CFAP92: variants seen among roughly 807,000 people sequenced by gnomAD.
CFAP92 encodes uncharacterized protein CFAP92.
CFAP92 carries 86 observed loss-of-function variants against 106.3 expected under a neutral mutation model. The ratio of observed to expected loss-of-function variants is 0.81; its 90% CI spans 0.68 to 0.97. CFAP92 has a LOEUF of 0.97. CFAP92 is among the 50% of genes least tolerant of loss of function. CFAP92 has a pLI of 0.00. For synonymous variants in CFAP92, 477 were observed against 506.4 expected (o/e 0.94, Z 0.78); for missense variants, 1,204 against 1,283.8 (o/e 0.94, Z 0.95).
chr3:128,976,952 C>G (rs1210280429), intron 6 of CFAP92, 27 bp downstream of exon 6: 1 of 1,593,728 alleles, frequency 6.3e-7, no homozygotes, highest in East Asian at 2.2e-5. Context: ...TCCACTCCCA[C>G]CACCCAAAAT....
rs1246171554 is a variant in CFAP92 at position 128,915,485 on chromosome 3, TCTC to T, written c.2992_2994del (p.Glu998del). On this transcript the variant is annotated inframe_deletion, in exon 14 of 16. Transcript: ENST00000645291. Reference sequence around the variant, plus strand: ...TGGCGGGATTTCTTCTGGGCTTTCTTCTCCTCTTCCTTCAAGTCCAGGGGCTCC... The same window carrying T: ...TGGCGGGATTTCTTCTGGGCTTTCTTCTCTTCCTTCAAGTCCAGGGGCTCC... The T allele has an allele frequency of 1.3e-5, 20 of 1,536,122 alleles. No individual in the cohort carries two copies. The highest frequency in any genetic ancestry group is 1.7e-4 in the Middle Eastern group (1 of 5,986).
intron 10 of CFAP92, among the ~76,000 whole-genome samples, chr3:128,938,481 C>T (rs902274130): frequency 1.5e-5 from 2 of 135,372 alleles, no homozygotes; most frequent in Non-Finnish European, 3.1e-5. Context: ...GTGTGTGTGC[C>T]TTCACCATTC....
At chr3:128,935,585 G>A (rs1448314628) in intron 10 of CFAP92, among the ~76,000 whole-genome samples, 2 of 152,126 alleles carry the variant, frequency 1.3e-5, no homozygotes, top group African/African-American at 4.8e-5. Context: ...GGTGGCACAT[G>A]TCTGTAATCC....
upstream of CFAP92, chr3:128,994,092 C>G (rs946941659): frequency 7.1e-6 from 7 of 985,014 alleles, no homozygotes; most frequent in East Asian, 1.1e-4. Context: ...GAGCGTCCGC[C>G]GGTGCAGGGA....
chr3:128,923,141 TTG>T (rs2107688755), intron 12 of CFAP92, among the ~76,000 whole-genome samples: 1 of 148,140 alleles, frequency 6.8e-6, no homozygotes, highest in African/African-American at 2.6e-5. Flanking sequence ...GAGGGTATGC[TTG>T]TGTTTTTGCA....
chr3:129,007,758 G>T, the CFAP92 span, among the ~76,000 whole-genome samples: 1 of 152,210 alleles, frequency 6.6e-6, no homozygotes, highest in Non-Finnish European at 1.5e-5. Context: ...TTCCTAAAAT[G>T]GGATCTTGAT....
upstream of CFAP92, chr3:129,003,995 C>T (rs1308514900): frequency 4.7e-6 from 7 of 1,501,426 alleles, no homozygotes; most frequent in African/African-American, 1.4e-5. Context: ...GCACCGCGTG[C>T]GAGAGCTGGA....
At chr3:128,952,817 G>T (rs1940944221) in intron 9 of CFAP92, among the ~76,000 whole-genome samples, 1 of 152,094 alleles carries the variant, frequency 6.6e-6, no homozygotes, top group South Asian at 2.1e-4. Flanking sequence ...CGGGTGCGGT[G>T]GCTCACACCT....
At chr3:129,022,030 C>T in the CFAP92 span, among the ~76,000 whole-genome samples, 2 of 152,172 alleles carry the variant, frequency 1.3e-5, no homozygotes, top group African/African-American at 2.4e-5. Context: ...GGGGCAGGCG[C>T]AGAGCTCTGC....
At chr3:128,996,379 G>A (rs976102833), upstream of CFAP92, among the ~76,000 whole-genome samples, 3 of 152,146 alleles carry the variant, frequency 2.0e-5, no homozygotes, top group Admixed American at 6.5e-5. Context: ...TAATAGGAAC[G>A]GGAGCCATAT....
At chr3:129,022,015 T>C in the CFAP92 span, among the ~76,000 whole-genome samples, 1 of 152,132 alleles carries the variant, frequency 6.6e-6, no homozygotes, top group Non-Finnish European at 1.5e-5. Flanking sequence ...GGGGCAGAGG[T>C]GGCCGGGGCA....
chr3:128,980,887 T>C (rs1943487247), intron 4 of CFAP92, among the ~76,000 whole-genome samples: 1 of 152,142 alleles, frequency 6.6e-6, no homozygotes. Flanking sequence ...CTTGCTCCAC[T>C]GAAGACTTGA....
the CFAP92 span, among the ~76,000 whole-genome samples, chr3:129,016,757 G>A: frequency 2.0e-5 from 3 of 152,084 alleles, no homozygotes. Context: ...ACTGATTAAG[G>A]AACAAAAGCT....
At chr3:128,974,558 C>T (rs914322133) in intron 7 of CFAP92, among the ~76,000 whole-genome samples, 5 of 152,170 alleles carry the variant, frequency 3.3e-5, no homozygotes, top group South Asian at 2.1e-4. Flanking sequence ...CAGTGGCTCA[C>T]GCTTGTAATC....
At position 128,945,147 on chromosome 3, in the gene CFAP92, C is replaced by T. The variant is rs1047735019; in HGVS notation, c.2182G>A (p.Gly728Arg). The T allele has an allele frequency of 5.2e-6, 8 of 1,536,002 alleles. No individual in the cohort carries two copies. The South Asian group carries it at 5.9e-5, about 11-fold the overall frequency. Residue 728 changes from glycine (G) to arginine (R), a missense_variant, in exon 10 of 16, where the codon GGG (glycine) becomes AGG (arginine). Transcript: ENST00000645291. ...DVLTGFHLLDGKTHLFILEGL... is the reference protein window; with the variant it reads ...DVLTGFHLLDRKTHLFILEGL... ...TCCAGGATGAAAAGGTGTGTCTTCC[C>T]GTCCAGCAGGTGGAAGCCAGTGAGC...
chr3:128,963,504 T>C (rs965159444), intron 9 of CFAP92, among the ~76,000 whole-genome samples: 18 of 152,194 alleles, frequency 1.2e-4, no homozygotes, highest in African/African-American at 2.6e-4. Flanking sequence ...TCTTTAAGTC[T>C]CACAATTACC....
At position 128,993,026 on chromosome 3, in the gene CFAP92, TCTG is replaced by T. The variant is rs754891213; in HGVS notation, c.262+14_262+16del. 5.6e-6 allele frequency: 9 copies of T among 1,613,226 alleles called. No homozygotes were observed. Among genetic ancestry groups the T allele is most frequent in the Admixed American group, 1.7e-5 (1 of 60,018 alleles). Reference sequence around the variant, plus strand: ...TCCTTTTTTCAGAGGGTGTTAAACTTCTGCTCTAGCACCTACCCATATTCACAG... The same window carrying T: ...TCCTTTTTTCAGAGGGTGTTAAACTTCTCTAGCACCTACCCATATTCACAG... On this transcript the variant is annotated intron_variant, in intron 2 of 15. Transcript: ENST00000645291.
chr3:128,961,410 G>GCCAGGCCA (rs1941907654), intron 9 of CFAP92, among the ~76,000 whole-genome samples: 2 of 151,814 alleles, frequency 1.3e-5, no homozygotes, highest in African/African-American at 4.8e-5. Context: ...TCACCAGGCC[G>GCCAGGCCA]AGCTAGGTCC....
At chr3:128,914,223 G>A (rs753862460) in intron 15 of CFAP92, among the ~76,000 whole-genome samples, 1 of 152,204 alleles carries the variant, frequency 6.6e-6, no homozygotes, top group Non-Finnish European at 1.5e-5. Context: ...GAAAAGCCTT[G>A]TGTTCTTAGG....
Sources: gnomAD v4.1 joint callset for allele counts (sites outside exome capture counted in the v4.1 genomes callset) on GRCh38, gnomAD v4.1.1 for gene constraint, MANE v1.5 for transcripts, NCBI Gene and HGNC (gene_info 2026-07-23, HGNC 2026-07-21) for gene names.